Variants in L1TD1 observed in about 807,000 individuals in gnomAD.
L1TD1 encodes the protein LINE-1 type transposase domain-containing protein 1.
Under a neutral mutation model 25.7 loss-of-function variants are expected in L1TD1, and 26 were observed. The ratio of observed to expected loss-of-function variants is 1.01; its 90% confidence interval spans 0.74 to 1.40. L1TD1 has a LOEUF of 1.40. L1TD1 is among the 40% of genes most tolerant of loss of function. L1TD1 has a pLI of 0.00. For synonymous variants in L1TD1, 421 were observed against 335.6 expected (o/e 1.25, Z -2.78); for missense variants, 1,130 against 975.0 (o/e 1.16, Z -2.12).
intron 2 of L1TD1, among the ~76,000 whole-genome samples, chr1:62,200,251 A>C (rs899910791): frequency 4.6e-5 from 7 of 152,088 alleles, no homozygotes; most frequent in Non-Finnish European, 1.0e-4. Context: ...GTCTCAGCTC[A>C]CTGCAACCTC....
At chr1:62,198,572 T>C (rs929332702) in intron 2 of L1TD1, among the ~76,000 whole-genome samples, 2 of 148,462 alleles carry the variant, frequency 1.3e-5, no homozygotes, top group African/African-American at 5.1e-5. Flanking sequence ...GTTGAAAAGG[T>C]AATACACCAC....
chr1:62,206,071 A>G (rs1458865149), intron 2 of L1TD1, among the ~76,000 whole-genome samples: 1 of 152,156 alleles, frequency 6.6e-6, no homozygotes, highest in Non-Finnish European at 1.5e-5. Flanking sequence ...TGGTTTTCAG[A>G]AAAAGTCTTA....
At chr1:62,199,053 A>AC (rs1360716886) in intron 2 of L1TD1, among the ~76,000 whole-genome samples, 3 of 152,060 alleles carry the variant, frequency 2.0e-5, no homozygotes, top group Non-Finnish European at 4.4e-5. Flanking sequence ...AATTTGCTAA[A>AC]CTTGTACCAG....
intron 3 of L1TD1, chr1:62,208,435 CAG>C (rs1305690126): frequency 2.0e-5 from 3 of 151,406 alleles, no homozygotes; most frequent in Non-Finnish European, 2.9e-5. Flanking sequence ...TGGGGTCACA[CAG>C]AGCAGTGGCT....
In L1TD1 at chr1:62,211,044, C is replaced by T; in HGVS notation, c.2270C>T (p.Pro757Leu). 1 of 1,550,888 alleles carries T rather than the reference C, an allele frequency of 6.4e-7. No homozygotes were observed. The change falls in exon 4 of 4, where the codon CCT becomes CTT. Residue 757 changes from proline (P) to leucine (L), a missense_variant. Pro to Leu is a moderately conservative substitution (Grantham distance 98). Coordinates refer to ENST00000498273, the MANE Select transcript of L1TD1 (RefSeq NM_019079.5). Reference sequence around the variant, plus strand: ...AAAATTGATGAAAAGAGACTGACTCCTAGACACATCTTGGTGAAATTTTGG... The same window carrying T: ...AAAATTGATGAAAAGAGACTGACTCTTAGACACATCTTGGTGAAATTTTGG... ...PSKIDEKRLTPRHILVKFWNS... is the reference protein window; with the variant it reads ...PSKIDEKRLTLRHILVKFWNS...
In L1TD1 at chr1:62,210,824, A is replaced by T; in HGVS notation, c.2050A>T (p.Ile684Leu). The stretch of plus-strand genomic sequence containing the variant: ...GGATACAATGCAAATGACCAAACAG[A>T]TAATTAGTAAAGAAAGGCAAAGAGA... ...SKDTMQMTKQ[I>L]ISKERQRDIE... Residue 684 changes from isoleucine to leucine, a missense_variant, in exon 4 of 4, where the codon ATA (isoleucine) becomes TTA (leucine). Physicochemically the swap from Ile to Leu is conservative, Grantham distance 5. Coordinates refer to ENST00000498273, the MANE Select transcript of L1TD1 (RefSeq NM_019079.5). The T allele has an allele frequency of 9.7e-6, 15 of 1,549,372 alleles. No individual in the cohort carries two copies. The highest frequency in any genetic ancestry group is 1.3e-5 in the Non-Finnish European group (15 of 1,146,540).
In L1TD1 at chr1:62,207,219, A is replaced by C. The variant is rs1557444988; in HGVS notation, c.591A>C (p.Arg197Ser). The C allele has an allele frequency of 2.6e-6, 4 of 1,551,668 alleles. No homozygotes were observed. The highest frequency in any genetic ancestry group is 2.6e-6 in the Non-Finnish European group (3 of 1,146,974). ...ATGTCCATTTAGAATTTACAGAAAG[A>C]GAGAGTAGGAAGGATGGAGAGGATG... ...NRNVHLEFTE[R>S]ESRKDGEDEF... is the part of the protein sequence containing the mutation. The change falls in exon 3 of 4, where the codon AGA (arginine) becomes AGC (serine). Residue 197 changes from arginine to serine, a missense_variant. Transcript: ENST00000498273.
rs754489320 is a variant in L1TD1 at position 62,209,916 on chromosome 1, T to G, written c.1142T>G (p.Phe381Cys). 1.3e-5 allele frequency: 21 copies of G among 1,613,876 alleles called. No homozygotes were observed. The African/African-American group carries it at 2.5e-4, about 20-fold the overall frequency. ...MKNLETQEEE[F>C]SELEELDEEA... is the part of the protein sequence containing the mutation. ...AACTTAGAGACTCAAGAGGAAGAGT[T>G]TTCCGAGCTAGAGGAGCTGGATGAA... is the stretch of plus-strand genomic sequence containing the variant. Residue 381 changes from phenylalanine to cysteine, a missense_variant, in exon 4 of 4, where the codon TTT becomes TGT. Physicochemically the swap from Phe to Cys is radical, Grantham distance 205. Coordinates refer to ENST00000498273, the MANE Select transcript of L1TD1 (RefSeq NM_019079.5).
At position 62,210,994 on chromosome 1, in the gene L1TD1, T is replaced by G; in HGVS notation, c.2220T>G (p.Ile740Met). ...TAAAGAAAGGTTCAAGTCTTGAGAT[T>G]GTCAGTGCTTGTCGAGTACCTAGTA... ...AELKKGSSLE[I>M]VSACRVPSKI... Residue 740 changes from isoleucine (I) to methionine (M), a missense_variant, in exon 4 of 4, where the codon ATT becomes ATG. By Grantham distance (10) the Ile-to-Met change is conservative. Coordinates refer to ENST00000498273, the MANE Select transcript of L1TD1 (RefSeq NM_019079.5). 6.5e-7 allele frequency: 1 copy of G among 1,545,424 alleles called. No individual in the cohort carries two copies. The highest frequency in any genetic ancestry group is 8.7e-7 in the Non-Finnish European group (1 of 1,145,524).
At chr1:62,199,994 C>T (rs1316976050) in intron 2 of L1TD1, among the ~76,000 whole-genome samples, 3 of 152,148 alleles carry the variant, frequency 2.0e-5, no homozygotes, top group African/African-American at 7.2e-5. Flanking sequence ...TTGGATTGTA[C>T]TCTATATTTT....
chr1:62,201,602 CTT>C, intron 2 of L1TD1, among the ~76,000 whole-genome samples: 1 of 150,192 alleles, frequency 6.7e-6, no homozygotes, highest in East Asian at 1.9e-4. Flanking sequence ...TCTCTTTTTT[CTT>C]TCTTAGTTGT....
intron 2 of L1TD1, among the ~76,000 whole-genome samples, 185 bp from the exon 3 acceptor site, chr1:62,206,334 G>C (rs1670743953): frequency 6.6e-6 from 1 of 150,662 alleles, no homozygotes; most frequent in Non-Finnish European, 1.5e-5. Flanking sequence ...TATGTAAAGG[G>C]AATTTTCATG....
chr1:62,204,488 A>G (rs1432654859), intron 2 of L1TD1, among the ~76,000 whole-genome samples: 1 of 152,142 alleles, frequency 6.6e-6, no homozygotes, highest in Non-Finnish European at 1.5e-5. Flanking sequence ...TAAACATTAA[A>G]CATAGAAGTT....
chr1:62,211,562 G>T lies in L1TD1; in HGVS notation c.*190G>T. On this transcript the variant is annotated 3_prime_UTR_variant, in exon 4 of 4. Coordinates refer to ENST00000498273, the MANE Select transcript of L1TD1 (RefSeq NM_019079.5). The stretch of plus-strand genomic sequence containing the variant: ...GGGTATGTTTAAAAAAAATAGGCTG[G>T]TCTCAATGTAGTGAGTTATTTCAGT... 1.1e-6 allele frequency: 1 copy of T among 909,886 alleles called. No homozygotes were observed. Among genetic ancestry groups the T allele is most frequent in the Non-Finnish European group, 1.5e-6 (1 of 654,936 alleles). The allele number at this position is 909,886 out of a possible 1,614,324, so 56.4% of individuals were successfully genotyped here. A position where few individuals can be genotyped will look rare whatever the true frequency, so the allele number is the denominator to read the frequency against.
chr1:62,205,333 T>C (rs922990923), intron 2 of L1TD1, among the ~76,000 whole-genome samples: 16 of 147,038 alleles, frequency 1.1e-4, no homozygotes, highest in African/African-American at 4.0e-4. Context: ...AACAAGACTG[T>C]CAAAAGAAAA....
chr1:62,204,637 C>T (rs1396554700), intron 2 of L1TD1, among the ~76,000 whole-genome samples: 4 of 152,108 alleles, frequency 2.6e-5, no homozygotes, highest in Non-Finnish European at 4.4e-5. Context: ...CTTCTGGGCT[C>T]AAGTAATCAT....
chr1:62,211,049 C>CA lies in L1TD1; in HGVS notation c.2276dup (p.His759GlnfsTer10), dbSNP rs1670858187. On this transcript the variant is annotated frameshift_variant, in exon 4 of 4. Transcript: ENST00000498273. LOFTEE classifies it low-confidence loss of function (END_TRUNC). ...TGATGAAAAGAGACTGACTCCTAGA[C>CA]ACATCTTGGTGAAATTTTGGAATTC... The CA allele has an allele frequency of 6.4e-7, 1 of 1,550,886 alleles. No individual in the cohort carries two copies. Among genetic ancestry groups the CA allele is most frequent in the African/African-American group, 1.4e-5 (1 of 72,960 alleles).
chr1:62,202,132 C>T (rs1670650080), intron 2 of L1TD1, among the ~76,000 whole-genome samples: 1 of 152,188 alleles, frequency 6.6e-6, no homozygotes, highest in Non-Finnish European at 1.5e-5. Context: ...GAAACCTTGT[C>T]TCTACTAAAA....
At position 62,210,603 on chromosome 1, in the gene L1TD1, C is replaced by G; in HGVS notation, c.1829C>G (p.Thr610Arg). The G allele has an allele frequency of 6.2e-7, 1 of 1,608,638 alleles. No homozygotes were observed. Among genetic ancestry groups the G allele is most frequent in the African/African-American group, 1.3e-5 (1 of 74,738 alleles). Residue 610 changes from threonine (T) to arginine (R), a missense_variant, in exon 4 of 4, where the codon ACA (threonine) becomes AGA (arginine). Thr to Arg is a moderately conservative substitution (Grantham distance 71, BLOSUM62 -1). Transcript: ENST00000498273. ...EELTSKEADLTEETEENLRSS... is the reference protein window; with the variant it reads ...EELTSKEADLREETEENLRSS... ...CTAACATCCAAAGAAGCAGACTTAA[C>G]AGAGGAAACAGAAGAAAACTTGAGA...
Sources: allele counts gnomAD v4.1 joint callset (sites outside exome capture counted in the v4.1 genomes callset), GRCh38; gene constraint gnomAD v4.1.1; transcripts MANE v1.5; gene names NCBI Gene and HGNC (gene_info 2026-07-23, HGNC 2026-07-21).